The following PACS1 variants were observed in gnomAD, a reference collection of about 807,000 sequenced individuals.
PACS1 encodes the protein PACS-1.
In PACS1, 24 loss-of-function variants were observed where a neutral mutation model predicts 115.0. The ratio of observed to expected loss-of-function variants is 0.21; its 90% CI spans 0.15 to 0.29. The LOEUF (loss-of-function observed/expected upper bound fraction) is 0.29, where lower values mean the gene tolerates loss of function less well. Ranked by LOEUF, PACS1 falls within the 10% of genes least tolerant of loss-of-function variation. The pLI is 1.00. For missense variants in PACS1, 838 were observed against 1,251.2 expected, an observed-to-expected ratio of 0.67 and a Z score of 4.98; for synonymous variants, 453 against 504.5, an observed-to-expected ratio of 0.90 and a Z score of 1.37.
intron 1 of PACS1, among the ~76,000 whole-genome samples, chr11:66,136,481 A>T (rs74851792): frequency 0.037 from 5,617 of 152,168 alleles, 370 homozygotes; most frequent in East Asian, 0.17. Context: ...AGTGATGAGC[A>T]CCATGGCTTT....
chr11:66,180,907 C>T (rs1035304898), intron 1 of PACS1, among the ~76,000 whole-genome samples: 3 of 152,224 alleles, frequency 2.0e-5, no homozygotes, highest in South Asian at 2.1e-4. Flanking sequence ...GATCCACCCT[C>T]CTTGGCCTCC....
In PACS1 at chr11:66,211,148, T is replaced by C. The variant is rs1419508682; in HGVS notation, c.549T>C (p.Leu183=). The C allele has an allele frequency of 1.6e-5, 26 of 1,613,622 alleles. No individual in the cohort carries two copies. The highest frequency in any genetic ancestry group is 2.2e-5 in the Non-Finnish European group (26 of 1,179,704). The change falls in exon 4 of 24, where the codon CTT becomes CTC. Residue 183 remains leucine (L), a synonymous_variant. Transcript: ENST00000320580. ...GTATTTCGTAGTACCCTCATTTCCT[T>C]AAGCGAGATGCCAACAAGCTGCAGA... The part of the protein sequence containing the change: ...LTFSLQYPHF[L]KRDANKLQIM...
chr11:66,221,363 A>G, intron 10 of PACS1, 116 bp downstream of exon 10: 1 of 871,536 alleles, frequency 1.1e-6, no homozygotes, highest in Non-Finnish European at 1.9e-6. Flanking sequence ...AAGTGGCCCC[A>G]TTGGCTGGGC....
intron 10 of PACS1, among the ~76,000 whole-genome samples, chr11:66,226,983 G>A (rs1308519917): frequency 6.6e-6 from 1 of 152,152 alleles, no homozygotes; most frequent in Non-Finnish European, 1.5e-5. Context: ...CACCTAAATG[G>A]CTTAACATTG....
chr11:66,214,925 C>T (rs1242197824), intron 4 of PACS1, among the ~76,000 whole-genome samples: 1 of 151,396 alleles, frequency 6.6e-6, no homozygotes, highest in Non-Finnish European at 1.5e-5. Flanking sequence ...CCCGGCCAAG[C>T]AACCATTTTC....
intron 1 of PACS1, among the ~76,000 whole-genome samples, chr11:66,112,350 C>T (rs1256602362): frequency 1.3e-5 from 2 of 152,146 alleles, no homozygotes; most frequent in Non-Finnish European, 2.9e-5. Context: ...CTCAGTCTCT[C>T]CTTAGGGCCT....
Position 66,233,078 on chromosome 11 carries a change from G to A in PACS1, c.1838+12G>A, listed in dbSNP as rs545110532. ...CGGATCCAGCGCTAGTAAGGGCTCT[G>A]GCCTCCCTTCTCCTGCCCTTAGAGA... On this transcript the variant is annotated intron_variant, in intron 15 of 23. Coordinates refer to ENST00000320580, the MANE Select transcript of PACS1 (RefSeq NM_018026.4). This position sits in a 1 kb window ranked among gnomAD's most constrained non-coding sequence, Gnocchi z 4.5. 6.3e-7 allele frequency: 1 copy of A among 1,585,706 alleles called. No homozygotes were observed. Among genetic ancestry groups the A allele is most frequent in the Admixed American group, 1.7e-5 (1 of 59,968 alleles).
chr11:66,187,449 A>G (rs1478071286), intron 1 of PACS1, among the ~76,000 whole-genome samples: 1 of 151,772 alleles, frequency 6.6e-6, no homozygotes, highest in African/African-American at 2.4e-5. Flanking sequence ...AAATCTCTCC[A>G]TTTTCCTCCC....
chr11:66,090,857 C>A (rs1857648351), intron 1 of PACS1, among the ~76,000 whole-genome samples: 1 of 152,044 alleles, frequency 6.6e-6, no homozygotes, highest in South Asian at 2.1e-4. Flanking sequence ...ACTTTCCAGC[C>A]AATGGATTGA....
At position 66,238,843 on chromosome 11, in the gene PACS1, G is replaced by A; in HGVS notation, c.2290G>A (p.Ala764Thr). Residue 764 changes from alanine to threonine, a missense_variant, in exon 20 of 24, where the codon GCA becomes ACA. Physicochemically the swap from Ala to Thr is moderately conservative, Grantham distance 58. Transcript: ENST00000320580. ...TCTGGTTGAAGACTCTCCCTCCACA[G>A]CAGGTGAGGCTGGGGCTCCCTTGTT... ...VGLVEDSPST[A>T]GDGDDSPVVS... is the part of the protein sequence containing the mutation. 1.3e-6 allele frequency: 2 copies of A among 1,581,550 alleles called. No homozygotes were observed. Among genetic ancestry groups the A allele is most frequent in the Admixed American group, 1.8e-5 (1 of 55,844 alleles).
chr11:66,155,127 A>G (rs895430981), intron 1 of PACS1, among the ~76,000 whole-genome samples: 1 of 152,248 alleles, frequency 6.6e-6, no homozygotes, highest in Admixed American at 6.5e-5. Flanking sequence ...CACTGCCCAG[A>G]AAGCTCAAAA....
At position 66,230,568 on chromosome 11, in the gene PACS1, G is replaced by C. The variant is rs1395532897; in HGVS notation, c.1395G>C (p.Met465Ile). 2 of 1,614,036 alleles carry C rather than the reference G, an allele frequency of 1.2e-6. No homozygotes were observed. Among genetic ancestry groups the C allele is most frequent in the Non-Finnish European group, 1.7e-6 (2 of 1,179,880 alleles). ...GGTAGGAAATCACTGACCAGGACAT[G>C]TTTGGAGATGCCAGCACGAGTCTGG... ...TDTLEITDQD[M>I]FGDASTSLVV... The change falls in exon 12 of 24, where the codon ATG becomes ATC. Residue 465 changes from methionine (M) to isoleucine (I), a missense_variant. Coordinates refer to ENST00000320580, the MANE Select transcript of PACS1 (RefSeq NM_018026.4).
intron 1 of PACS1, among the ~76,000 whole-genome samples, chr11:66,148,337 TAG>T (rs1030106025): frequency 6.4e-4 from 98 of 152,174 alleles, no homozygotes; most frequent in African/African-American, 2.3e-3. Context: ...GTATTTTTTA[TAG>T]AGATGGGTGT....
At chr11:66,157,997 G>T (rs915885002) in intron 1 of PACS1, among the ~76,000 whole-genome samples, 1 of 152,206 alleles carries the variant, frequency 6.6e-6, no homozygotes, top group Non-Finnish European at 1.5e-5. Context: ...GTCTGGCTCT[G>T]TTGCCCAGGC....
Position 66,122,821 on chromosome 11 carries a change from C to A in PACS1, c.356+51979C>A, listed in dbSNP as rs1009656208. Among the ~76,000 whole-genome samples, 3 of 152,090 alleles carry A rather than the reference C, an allele frequency of 2.0e-5. No individual in the cohort carries two copies. In the South Asian group the frequency reaches 6.2e-4, roughly 32 times the overall value. On this transcript the variant is annotated intron_variant, in intron 1 of 23. Transcript: ENST00000320580. ...GAGAAAGTGGTTTCTTGAGATGGGACCTACTCCTGGTAAAGATGCTGTGAA... is the reference window on the plus strand; with the variant it reads ...GAGAAAGTGGTTTCTTGAGATGGGAACTACTCCTGGTAAAGATGCTGTGAA...
At chr11:66,167,352 G>GTTTTTTTTTTT in intron 1 of PACS1, among the ~76,000 whole-genome samples, 1 of 129,158 alleles carries the variant, frequency 7.7e-6, no homozygotes, top group Non-Finnish European at 1.5e-5. Context: ...TTTTTTTTTT[G>GTTTTTTTTTTT]TTGAGACAGG....
Position 66,235,182 on chromosome 11 carries a change from A to T in PACS1, c.2105-119A>T. 1 of 696,190 alleles carries T rather than the reference A, an allele frequency of 1.4e-6. No individual in the cohort carries two copies. 43.1% of individuals were successfully genotyped at this position (696,190 alleles called of 1,614,324 possible). ...CAAACCAGAAGGACCGTAGAGCCCCATCCTTCACTCAACTCCTAGAGTCTG... is the reference window on the plus strand; with the variant it reads ...CAAACCAGAAGGACCGTAGAGCCCCTTCCTTCACTCAACTCCTAGAGTCTG... On this transcript the variant is annotated intron_variant, in intron 17 of 23. Coordinates refer to ENST00000320580, the MANE Select transcript of PACS1 (RefSeq NM_018026.4). The surrounding 1 kb of genome is among the most constrained non-coding windows in gnomAD (Gnocchi z 5.6).
chr11:66,183,794 C>G (rs938498978), intron 1 of PACS1, among the ~76,000 whole-genome samples: 1 of 152,104 alleles, frequency 6.6e-6, no homozygotes, highest in African/African-American at 2.4e-5. Flanking sequence ...GTTCTGCAGT[C>G]GTATTTATAC....
chr11:66,086,495 A>T (rs187281877), intron 1 of PACS1, among the ~76,000 whole-genome samples: 89 of 152,176 alleles, frequency 5.8e-4, no homozygotes, highest in Non-Finnish European at 1.1e-3. Context: ...TACTTAGATG[A>T]TGTGTCTGGC....
Sources: allele counts gnomAD v4.1 joint callset (sites outside exome capture counted in the v4.1 genomes callset), GRCh38; gene constraint gnomAD v4.1.1; non-coding constraint Gnocchi (gnomAD v3.1); transcripts MANE v1.5; gene names NCBI Gene and HGNC (gene_info 2026-07-23, HGNC 2026-07-21).